ADGRL3: variants seen among roughly 807,000 people sequenced by gnomAD.
ADGRL3 encodes adhesion G protein-coupled receptor L3.
A neutral mutation model predicts 153.5 loss-of-function variants in ADGRL3; 62 were observed. That is an observed-to-expected ratio of 0.40 (90% confidence interval 0.33 to 0.50). The LOEUF (loss-of-function observed/expected upper bound fraction) is 0.50, where lower values mean the gene tolerates loss of function less well. ADGRL3 is among the 20% of genes least tolerant of loss of function. ADGRL3 has a pLI of 0.47. For synonymous variants in ADGRL3, 710 were observed against 672.5 expected (o/e 1.06, Z -0.86); for missense variants, 1,641 against 1,859.4 (o/e 0.88, Z 2.16).
chr4:61,549,692 T>C (rs1220252167), intron 4 of ADGRL3, among the ~76,000 whole-genome samples: 1 of 152,052 alleles, frequency 6.6e-6, no homozygotes, highest in East Asian at 1.9e-4. Context: ...ACCGTAAGAT[T>C]CAGGTCCCAG....
chr4:61,399,975 G>A (rs946003336), intron 2 of ADGRL3, among the ~76,000 whole-genome samples: 4 of 151,670 alleles, frequency 2.6e-5, no homozygotes, highest in African/African-American at 9.7e-5. Flanking sequence ...GAGTACCAAG[G>A]CATATGATCA....
At chr4:61,669,955 C>A (rs1481782586) in intron 5 of ADGRL3, among the ~76,000 whole-genome samples, 1 of 152,120 alleles carries the variant, frequency 6.6e-6, no homozygotes, top group Non-Finnish European at 1.5e-5. Flanking sequence ...TAACCTAGAA[C>A]CCCTGTGAAT....
intron 1 of ADGRL3, among the ~76,000 whole-genome samples, chr4:61,293,269 C>G (rs1044198342): frequency 3.3e-5 from 5 of 152,118 alleles, no homozygotes; most frequent in African/African-American, 1.2e-4. Flanking sequence ...ATTCTCTTTC[C>G]TCTTTTGTGT....
At chr4:61,585,048 C>A (rs1262241537) in intron 4 of ADGRL3, among the ~76,000 whole-genome samples, 1 of 151,918 alleles carries the variant, frequency 6.6e-6, no homozygotes, top group Non-Finnish European at 1.5e-5. Context: ...CAAGAACAAA[C>A]TTTAAAAGTA....
chr4:61,732,192 G>A (rs2096454343), intron 7 of ADGRL3, among the ~76,000 whole-genome samples: 1 of 151,730 alleles, frequency 6.6e-6, no homozygotes, highest in African/African-American at 2.4e-5. Context: ...TGTGTGGGTT[G>A]CATGCTCTGT....
chr4:61,990,032 C>A (rs2099098299), intron 19 of ADGRL3, among the ~76,000 whole-genome samples: 1 of 151,968 alleles, frequency 6.6e-6, no homozygotes, highest in Admixed American at 6.6e-5. Flanking sequence ...AGCAATTCTA[C>A]TCCTAAGCAT....
At chr4:61,788,970 G>A (rs2097308893) in intron 8 of ADGRL3, among the ~76,000 whole-genome samples, 1 of 152,016 alleles carries the variant, frequency 6.6e-6, no homozygotes, top group African/African-American at 2.4e-5. Context: ...GTCTAATTAT[G>A]GAATCTTAAA....
intron 1 of ADGRL3, among the ~76,000 whole-genome samples, chr4:61,264,665 G>T (rs1271248206): frequency 6.6e-6 from 1 of 151,808 alleles, no homozygotes; most frequent in African/African-American, 2.4e-5. Context: ...GAAGACAGTA[G>T]GAAACTCTAT....
At chr4:61,502,161 C>T (rs560704244) in intron 3 of ADGRL3, among the ~76,000 whole-genome samples, 2 of 152,084 alleles carry the variant, frequency 1.3e-5, no homozygotes, top group African/African-American at 4.8e-5. Context: ...ACGTAGGTAC[C>T]TGGGGCTCAT....
rs1181793905 is a variant in ADGRL3 at position 61,840,121 on chromosome 4, C to T, written c.1480+26232C>T. Among the ~76,000 whole-genome samples, 5 of 152,044 alleles carry T rather than the reference C, an allele frequency of 3.3e-5. No homozygotes were observed. In the East Asian group the frequency reaches 9.7e-4, roughly 29 times the overall value. ...ATTTGAGAAGGAATATTTCTGTGTC[C>T]CAGGCTGGAACACAGTGGTGCAATC... On this transcript the variant is annotated intron_variant, in intron 9 of 26. Coordinates refer to ENST00000683033, the MANE Select transcript of ADGRL3 (RefSeq NM_001387552.1).
intron 1 of ADGRL3, among the ~76,000 whole-genome samples, chr4:61,215,665 C>T (rs1333097388): frequency 6.6e-6 from 1 of 150,734 alleles, no homozygotes; most frequent in African/African-American, 2.4e-5. Flanking sequence ...CATTCTCCTG[C>T]CTCAGCCTCC....
At position 61,403,146 on chromosome 4, in the gene ADGRL3, A is replaced by G. The variant is rs541964819; in HGVS notation, c.-174+19957A>G. 1.2e-4 allele frequency among the ~76,000 whole-genome samples: 19 copies of G among 152,186 alleles called. 1 individual carries two copies. The highest frequency in any genetic ancestry group is 4.6e-4 in the African/African-American group (19 of 41,552). ...GAAAAGGCTTCATCCTTATAACACAATAAGATATACATATTTGGTCTGTAT... is the reference window on the plus strand; with the variant it reads ...GAAAAGGCTTCATCCTTATAACACAGTAAGATATACATATTTGGTCTGTAT... On this transcript the variant is annotated intron_variant, in intron 2 of 26. Coordinates refer to ENST00000683033, the MANE Select transcript of ADGRL3 (RefSeq NM_001387552.1).
chr4:61,414,253 C>G (rs1260792502), intron 2 of ADGRL3, among the ~76,000 whole-genome samples: 1 of 152,134 alleles, frequency 6.6e-6, no homozygotes, highest in Non-Finnish European at 1.5e-5. Context: ...ATTTTCCTAC[C>G]TTTGGTTAGG....
intron 2 of ADGRL3, among the ~76,000 whole-genome samples, chr4:61,496,213 A>ACT (rs2307826): frequency 0.94 from 143,594 of 152,182 alleles, 68,309 homozygotes; most frequent in East Asian, 1. Context: ...TGAAAGTAAG[A>ACT]CATATATTTA....
intron 21 of ADGRL3, among the ~76,000 whole-genome samples, chr4:62,027,342 C>G (rs1356573974): frequency 6.6e-6 from 1 of 151,958 alleles, no homozygotes; most frequent in East Asian, 1.9e-4. Flanking sequence ...CCAGTACTGA[C>G]CAATAGAACT....
chr4:61,573,817 A>T (rs138548517), intron 4 of ADGRL3, among the ~76,000 whole-genome samples: 1 of 152,092 alleles, frequency 6.6e-6, no homozygotes, highest in Non-Finnish European at 1.5e-5. Context: ...GACATATGTA[A>T]CAATCAGAGA....
intron 1 of ADGRL3, among the ~76,000 whole-genome samples, chr4:61,353,880 A>C (rs2096108085): frequency 1.3e-5 from 2 of 152,014 alleles, no homozygotes; most frequent in African/African-American, 4.8e-5. Flanking sequence ...TTCTAATTTG[A>C]ATTTTTTAAG....
intron 4 of ADGRL3, among the ~76,000 whole-genome samples, chr4:61,539,174 T>G (rs534468712): frequency 6.6e-6 from 1 of 152,300 alleles, no homozygotes; most frequent in Non-Finnish European, 1.5e-5. Context: ...AAAGATGGGC[T>G]ACACCCTTCA....
At chr4:61,950,090 G>A (rs1282152480) in intron 17 of ADGRL3, among the ~76,000 whole-genome samples, 1 of 152,000 alleles carries the variant, frequency 6.6e-6, no homozygotes, top group Non-Finnish European at 1.5e-5. Flanking sequence ...TTAGTAACTG[G>A]TAAATAGTAT....
Sources: allele counts gnomAD v4.1 joint callset (sites outside exome capture counted in the v4.1 genomes callset), GRCh38; gene constraint gnomAD v4.1.1; transcripts MANE v1.5; gene names NCBI Gene and HGNC (gene_info 2026-07-23, HGNC 2026-07-21).